The following FAM167A variants were observed in gnomAD, a reference collection of about 807,000 sequenced individuals.
The protein encoded by FAM167A is protein FAM167A.
FAM167A carries 23 observed loss-of-function variants against 14.9 expected under a neutral mutation model. The observed-to-expected ratio is 1.55, with a 90% CI of 1.11 to 2.19. The LOEUF (loss-of-function observed/expected upper bound fraction) is 2.19, where lower values mean the gene tolerates loss of function less well. Ranked by LOEUF, FAM167A falls within the 30% of genes most tolerant of loss-of-function variation. The pLI, the probability that FAM167A is intolerant of heterozygous loss-of-function variation, is 0.00. For missense variants in FAM167A, 401 were observed against 281.5 expected, an observed-to-expected ratio of 1.42 and a Z score of -3.04; for synonymous variants, 174 against 117.7, an observed-to-expected ratio of 1.48 and a Z score of -3.10.
In FAM167A at chr8:11,424,619, C is replaced by T; in HGVS notation, c.399G>A (p.Gln133=). 6.2e-7 allele frequency: 1 copy of T among 1,613,908 alleles called. No individual in the cohort carries two copies. The highest frequency in any genetic ancestry group is 8.5e-7 in the Non-Finnish European group (1 of 1,179,952). ...LRKELTEMRL[Q]DQQLARQLMR... ...TGAGCTGTCTGGCCAGTTGCTGGTC[C>T]TGCAGCCGCATCTCCGTCTGGAAGG... Residue 133 remains glutamine, a synonymous_variant, in exon 3 of 3, where the codon CAG becomes CAA. Transcript: ENST00000284486.
intron 1 of FAM167A, among the ~76,000 whole-genome samples, chr8:11,455,134 GT>G (rs1807182126): frequency 6.8e-6 from 1 of 148,018 alleles, no homozygotes; most frequent in Admixed American, 6.8e-5. Flanking sequence ...GGATATGTGT[GT>G]GTGCGTGTGT....
chr8:11,452,340 T>C (rs13264212), intron 1 of FAM167A, among the ~76,000 whole-genome samples: 108,027 of 152,212 alleles, frequency 0.71, 39,742 homozygotes, highest in Non-Finnish European at 0.82. Context: ...AATGGATACA[T>C]GCTGGGTCAT....
intron 1 of FAM167A, among the ~76,000 whole-genome samples, chr8:11,472,802 C>T (rs926708984): frequency 3.9e-5 from 6 of 152,166 alleles, no homozygotes; most frequent in Non-Finnish European, 7.3e-5. Flanking sequence ...TTCACTAGAA[C>T]GAGTGGTTCC....
rs1804922020 is a variant in FAM167A at position 11,423,651 on chromosome 8, T to A, written c.*722A>T. ...TGGCAGTGAAGAGGCTCTTTGGAGA[T>A]GCATGTGGCCAGGGGAGACAATGGG... On this transcript the variant is annotated 3_prime_UTR_variant, in exon 3 of 3. Coordinates refer to ENST00000284486, the MANE Select transcript of FAM167A (RefSeq NM_053279.3). 1 of 152,322 alleles carries A rather than the reference T, an allele frequency of 6.6e-6. No individual in the cohort carries two copies. The highest frequency in any genetic ancestry group is 2.4e-5 in the African/African-American group (1 of 41,462). The allele number at this position is 152,322 out of a possible 1,614,324, so 9.4% of individuals were successfully genotyped here.
chr8:11,445,260 G>A (rs1165631070), intron 1 of FAM167A: 2 of 985,416 alleles, frequency 2.0e-6, no homozygotes, highest in Non-Finnish European at 2.4e-6. Context: ...AGCCAGCAGG[G>A]AAACCGCACC....
Position 11,444,169 on chromosome 8 carries a change from G to A in FAM167A, c.243C>T (p.Pro81=). The part of the protein sequence containing the change: ...LEEGERGGQE[P]LLPLREAGQH... ...GCCCAGCCTCTCTCAGGGGGAGCAA[G>A]GGCTCCTGCCCCCCACGCTCCCCCT... Residue 81 remains proline, a synonymous_variant, in exon 2 of 3, where the codon CCC becomes CCT. Transcript: ENST00000284486. The A allele has an allele frequency of 1.2e-6, 2 of 1,613,080 alleles. No homozygotes were observed. The highest frequency in any genetic ancestry group is 1.7e-5 in the Admixed American group (1 of 59,984).
chr8:11,454,132 T>C (rs1807137009), intron 1 of FAM167A, among the ~76,000 whole-genome samples: 1 of 152,120 alleles, frequency 6.6e-6, no homozygotes, highest in African/African-American at 2.4e-5. Flanking sequence ...TCTTGGGGGA[T>C]GGGATGTCTT....
chr8:11,458,142 G>A (rs977976817), intron 1 of FAM167A, among the ~76,000 whole-genome samples: 3 of 152,180 alleles, frequency 2.0e-5, no homozygotes, highest in African/African-American at 7.2e-5. Context: ...TGGTGGCTGA[G>A]TCATCTTTCT....
chr8:11,472,834 C>T (rs1240858427), intron 1 of FAM167A, among the ~76,000 whole-genome samples: 2 of 152,210 alleles, frequency 1.3e-5, no homozygotes, highest in African/African-American at 2.4e-5. Context: ...CCTCTGACCC[C>T]TGATTCCATG....
intron 1 of FAM167A, chr8:11,445,220 T>C: frequency 2.0e-6 from 2 of 985,228 alleles, no homozygotes; most frequent in Non-Finnish European, 2.4e-6. Flanking sequence ...CTTTCCTCTC[T>C]GTGGCAACAG....
At chr8:11,434,029 C>T (rs940996518) in intron 2 of FAM167A, 3 of 152,210 alleles carry the variant, frequency 2.0e-5, no homozygotes, top group African/African-American at 4.8e-5. Flanking sequence ...GCCAGATTAA[C>T]GCTGGCAGGA....
At position 11,423,988 on chromosome 8, in the gene FAM167A, CT is replaced by C. The variant is rs1225668323; in HGVS notation, c.*384del. The stretch of plus-strand genomic sequence containing the variant: ...TCCCCCAAGGCCCTTGCGGGACAGC[CT>C]TCTGCAAAAATGACAGCTTTGTTGG... On this transcript the variant is annotated 3_prime_UTR_variant, in exon 3 of 3. Coordinates refer to ENST00000284486, the MANE Select transcript of FAM167A (RefSeq NM_053279.3). 4.4e-6 allele frequency: 1 copy of C among 226,054 alleles called. No individual in the cohort carries two copies. The highest frequency in any genetic ancestry group is 8.8e-6 in the Non-Finnish European group (1 of 113,570). The allele number at this position is 226,054 out of a possible 1,614,324, so 14.0% of individuals were successfully genotyped here.
At chr8:11,473,044 C>T (rs754461935) in intron 1 of FAM167A, among the ~76,000 whole-genome samples, 8 of 152,238 alleles carry the variant, frequency 5.3e-5, no homozygotes, top group African/African-American at 1.9e-4. Flanking sequence ...TGGGGAAGAG[C>T]CTGCTTGAAC....
chr8:11,468,112 T>G (rs1807843869), upstream of FAM167A, among the ~76,000 whole-genome samples: 1 of 152,178 alleles, frequency 6.6e-6, no homozygotes, highest in South Asian at 2.1e-4. Flanking sequence ...CTGATCTCCC[T>G]TTACCCTCTC....
intron 2 of FAM167A, chr8:11,434,787 A>G: frequency 2.9e-6 from 1 of 340,484 alleles, no homozygotes. Flanking sequence ...CATGTGCCCT[A>G]CACAGAGAGA....
At chr8:11,430,343 C>G (rs935756790) in intron 2 of FAM167A, among the ~76,000 whole-genome samples, 5 of 152,232 alleles carry the variant, frequency 3.3e-5, no homozygotes, top group African/African-American at 1.2e-4. Flanking sequence ...GGCAGCCACA[C>G]GTGGCCCCTT....
chr8:11,451,685 C>T (rs536239943), intron 1 of FAM167A, among the ~76,000 whole-genome samples: 7 of 152,306 alleles, frequency 4.6e-5, no homozygotes, highest in African/African-American at 1.7e-4. Context: ...GTCAGCTGTT[C>T]AGGCCCCGAC....
chr8:11,470,786 A>T (rs1054049593), upstream of FAM167A, among the ~76,000 whole-genome samples: 1 of 152,120 alleles, frequency 6.6e-6, no homozygotes, highest in Non-Finnish European at 1.5e-5. Context: ...GCCAGAGTCC[A>T]CCGGTCTCTG....
intron 1 of FAM167A, among the ~76,000 whole-genome samples, chr8:11,455,646 TTG>T (rs1807221669): frequency 3.4e-5 from 4 of 116,038 alleles, no homozygotes; most frequent in African/African-American, 6.8e-5. Context: ...GGTGTGAGTG[TTG>T]GGGGTGGTTG....
Sources: allele counts gnomAD v4.1 joint callset (sites outside exome capture counted in the v4.1 genomes callset), GRCh38; gene constraint gnomAD v4.1.1; transcripts MANE v1.5; gene names NCBI Gene and HGNC (gene_info 2026-07-23, HGNC 2026-07-21).